Variants in HNF4G observed in about 807,000 individuals in gnomAD.
HNF4G encodes the protein hepatocyte nuclear factor 4 gamma, also known as hepatocyte nuclear factor 4-gamma.
Under a neutral mutation model 50.9 loss-of-function variants are expected in HNF4G, and 21 were observed. The ratio of observed to expected loss-of-function variants is 0.41; its 90% CI spans 0.29 to 0.59. The LOEUF (loss-of-function observed/expected upper bound fraction) is 0.59, where lower values mean the gene tolerates loss of function less well. Among genes scored for constraint, HNF4G ranks in the 20% least tolerant of loss-of-function variants. The probability of loss-of-function intolerance (pLI) is 0.26; values close to 1 mark genes in which losing one functional copy is unlikely to be tolerated. For synonymous variants in HNF4G, 198 were observed against 185.6 expected, an observed-to-expected ratio of 1.07 and a Z score of -0.54; for missense variants, 527 against 559.4, an observed-to-expected ratio of 0.94 and a Z score of 0.58.
intron 1 of HNF4G, among the ~76,000 whole-genome samples, chr8:75,435,742 C>T (rs529565788): frequency 6.6e-6 from 1 of 152,166 alleles, no homozygotes; most frequent in East Asian, 1.9e-4. Context: ...TACAGGCATG[C>T]ACCACCACAC....
In HNF4G at chr8:75,526,055, C is replaced by A. The variant is rs79261207; in HGVS notation, c.-23-17756C>A. ...ATGTCAGGACTCATGTAAATAGAAC[C>A]GATCTTCATTATTTGCAGATTCCAT... On this transcript the variant is annotated intron_variant, in intron 2 of 10. Transcript: ENST00000354370. Among the ~76,000 whole-genome samples the A allele has an allele frequency of 8.0e-3, 1,211 of 151,998 alleles. 58 individuals carry two copies. Among genetic ancestry groups the A allele is most frequent in the Admixed American group, 0.058 (888 of 15,260 alleles).
chr8:75,450,375 C>T (rs1811557133), intron 1 of HNF4G, among the ~76,000 whole-genome samples: 1 of 151,966 alleles, frequency 6.6e-6, no homozygotes, highest in African/African-American at 2.4e-5. Flanking sequence ...AATAATAAAA[C>T]AAAAATCAAA....
At chr8:75,490,878 C>T (rs753369022) in intron 2 of HNF4G, among the ~76,000 whole-genome samples, 6 of 152,148 alleles carry the variant, frequency 3.9e-5, no homozygotes, top group African/African-American at 7.2e-5. Flanking sequence ...AAAACGTCTT[C>T]GCTTAATAAT....
intron 6 of HNF4G, among the ~76,000 whole-genome samples, chr8:75,557,088 A>T (rs1390173994): frequency 1.3e-5 from 2 of 152,196 alleles, no homozygotes; most frequent in Admixed American, 1.3e-4. Context: ...CCTCTCTTGA[A>T]TTTCTAGTAA....
chr8:75,432,548 G>A (rs921299564), intron 1 of HNF4G, among the ~76,000 whole-genome samples: 7 of 152,168 alleles, frequency 4.6e-5, no homozygotes, highest in Middle Eastern at 6.8e-3. Flanking sequence ...TGATCTGCCC[G>A]CCTCTGCCTC....
At chr8:75,432,384 T>A (rs1002970407) in intron 1 of HNF4G, among the ~76,000 whole-genome samples, 2 of 152,174 alleles carry the variant, frequency 1.3e-5, no homozygotes, top group Non-Finnish European at 2.9e-5. Context: ...TGGTGCAATC[T>A]TGGCTCACTG....
intron 1 of HNF4G, among the ~76,000 whole-genome samples, chr8:75,436,242 C>T (rs1811133354): frequency 6.6e-6 from 1 of 152,142 alleles, no homozygotes; most frequent in South Asian, 2.1e-4. Context: ...TGATTTAATG[C>T]AATTCCTATT....
intron 1 of HNF4G, among the ~76,000 whole-genome samples, chr8:75,432,296 A>G (rs1325448146): frequency 6.6e-6 from 1 of 151,942 alleles, no homozygotes; most frequent in Non-Finnish European, 1.5e-5. Flanking sequence ...CAAAATAAAA[A>G]AAAAAAGAAT....
At chr8:75,533,094 C>T (rs1806371713) in intron 2 of HNF4G, among the ~76,000 whole-genome samples, 1 of 151,908 alleles carries the variant, frequency 6.6e-6, no homozygotes, top group Non-Finnish European at 1.5e-5. Context: ...AAAATGTACT[C>T]ATGTACTCAG....
At chr8:75,443,636 C>G (rs958719339) in intron 1 of HNF4G, among the ~76,000 whole-genome samples, 9 of 152,134 alleles carry the variant, frequency 5.9e-5, no homozygotes, top group African/African-American at 2.2e-4. Flanking sequence ...GTGGGGATTA[C>G]AGGCATGTGC....
At chr8:75,460,134 T>G (rs1157923092) in intron 1 of HNF4G, among the ~76,000 whole-genome samples, 1 of 151,846 alleles carries the variant, frequency 6.6e-6, no homozygotes. Context: ...CTAAAAAGAG[T>G]TCCTGAAAAT....
upstream of HNF4G, among the ~76,000 whole-genome samples, chr8:75,538,264 TAGCCCCTTTCACCTTAGAGTCAA>T (rs1415537998): frequency 6.6e-6 from 1 of 152,196 alleles, no homozygotes; most frequent in Non-Finnish European, 1.5e-5. Flanking sequence ...GATCCATCTG[TAGCCCCTTTCACCTTAGAGTCAA>T]ATGCCTGGAT....
intron 1 of HNF4G, among the ~76,000 whole-genome samples, chr8:75,449,872 A>C (rs1407119125): frequency 3.6e-5 from 5 of 140,232 alleles, no homozygotes; most frequent in Non-Finnish European, 8.3e-5. Context: ...AATAGTTAAA[A>C]TCTACTTAAA....
At chr8:75,461,820 C>T (rs1332286232) in intron 1 of HNF4G, among the ~76,000 whole-genome samples, 1 of 150,502 alleles carries the variant, frequency 6.6e-6, no homozygotes, top group African/African-American at 2.4e-5. Flanking sequence ...AATAATAAAA[C>T]AGGACAATCA....
intron 2 of HNF4G, among the ~76,000 whole-genome samples, chr8:75,494,390 A>G (rs1348052323): frequency 6.6e-6 from 1 of 151,870 alleles, no homozygotes; most frequent in Non-Finnish European, 1.5e-5. Context: ...AAATCATGTG[A>G]TAGATACGTG....
intron 1 of HNF4G, among the ~76,000 whole-genome samples, chr8:75,543,500 G>A (rs1388099522): frequency 2.6e-5 from 4 of 152,124 alleles, no homozygotes; most frequent in South Asian, 2.1e-4. Flanking sequence ...GGGAGACATC[G>A]GGGCTAGAGA....
chr8:75,418,928 T>C (rs1450463277), intron 1 of HNF4G, among the ~76,000 whole-genome samples: 2 of 151,984 alleles, frequency 1.3e-5, no homozygotes, highest in Non-Finnish European at 2.9e-5. Flanking sequence ...GTTTTCTCCA[T>C]GTTGGCCACA....
chr8:75,433,412 C>CAAA (rs1186388765), intron 1 of HNF4G, among the ~76,000 whole-genome samples: 7 of 63,008 alleles, frequency 1.1e-4, no homozygotes, highest in South Asian at 5.9e-4. Context: ...TGTCTCAGAA[C>CAAA]AAAAAAAAAA....
At chr8:75,490,587 A>G (rs936370651) in intron 2 of HNF4G, among the ~76,000 whole-genome samples, 1 of 152,208 alleles carries the variant, frequency 6.6e-6, no homozygotes, top group Non-Finnish European at 1.5e-5. Flanking sequence ...AAGAGTTTCT[A>G]TTAATAAAAA....
Sources: allele counts gnomAD v4.1 joint callset (sites outside exome capture counted in the v4.1 genomes callset), GRCh38; gene constraint gnomAD v4.1.1; transcripts MANE v1.5; gene names NCBI Gene and HGNC (gene_info 2026-07-23, HGNC 2026-07-21).